Variants in DPP10 observed in about 807,000 individuals in gnomAD.
DPP10 encodes the protein inactive dipeptidyl peptidase 10.
Under a neutral mutation model 120.9 loss-of-function variants are expected in DPP10, and 33 were observed. The observed-to-expected ratio is 0.27, with a 90% CI of 0.21 to 0.37. The LOEUF (loss-of-function observed/expected upper bound fraction) is 0.37. Ranked by LOEUF, DPP10 falls within the 10% of genes least tolerant of loss-of-function variation. DPP10 has a pLI of 1.00. For missense variants in DPP10, 816 were observed against 942.8 expected (o/e 0.87, Z 1.76); for synonymous variants, 337 against 326.1 (o/e 1.03, Z -0.36).
At chr2:114,779,795 T>C (rs1682122842) in intron 1 of DPP10, among the ~76,000 whole-genome samples, 1 of 152,156 alleles carries the variant, frequency 6.6e-6, no homozygotes, top group Non-Finnish European at 1.5e-5. Context: ...TCTGTGATCA[T>C]GTTTATCAAA....
chr2:114,502,348 A>G (rs993806289), intron 1 of DPP10, among the ~76,000 whole-genome samples: 6 of 152,188 alleles, frequency 3.9e-5, no homozygotes, highest in African/African-American at 2.4e-5. Context: ...AGCATTTTTC[A>G]AACATTTAAA....
chr2:115,298,172 A>T (rs2105961466), intron 1 of DPP10, among the ~76,000 whole-genome samples: 1 of 152,210 alleles, frequency 6.6e-6, no homozygotes, highest in Admixed American at 6.6e-5. Context: ...AGTGTGAAAT[A>T]GTCTCTGACC....
intron 1 of DPP10, among the ~76,000 whole-genome samples, chr2:115,039,298 G>C (rs1704458906): frequency 1.3e-5 from 2 of 152,200 alleles, no homozygotes; most frequent in South Asian, 4.1e-4. Flanking sequence ...GGTGATACAA[G>C]TCTATTGAAT....
intron 1 of DPP10, among the ~76,000 whole-genome samples, chr2:114,987,917 C>T (rs1002588461): frequency 1.3e-5 from 2 of 151,138 alleles, no homozygotes; most frequent in African/African-American, 2.4e-5. Flanking sequence ...CATTCTCCTG[C>T]CTCAGTCTCC....
chr2:115,075,663 A>G (rs1229391168), intron 1 of DPP10, among the ~76,000 whole-genome samples: 1 of 151,820 alleles, frequency 6.6e-6, no homozygotes, highest in Non-Finnish European at 1.5e-5. Context: ...TTATTAGCTC[A>G]GCCCATTTTA....
intron 1 of DPP10, among the ~76,000 whole-genome samples, chr2:114,561,996 G>A (rs1573658866): frequency 6.6e-6 from 1 of 152,152 alleles, no homozygotes; most frequent in African/African-American, 2.4e-5. Context: ...CTAAGATAAC[G>A]GGTTAATTTT....
At chr2:114,838,337 A>T (rs1357393980) in intron 1 of DPP10, among the ~76,000 whole-genome samples, 1 of 151,986 alleles carries the variant, frequency 6.6e-6, no homozygotes, top group Admixed American at 6.6e-5. Context: ...TTATTTTTTG[A>T]GATAGAGTCT....
chr2:115,073,530 A>T (rs1707543352), intron 1 of DPP10, among the ~76,000 whole-genome samples: 1 of 152,208 alleles, frequency 6.6e-6, no homozygotes, highest in Non-Finnish European at 1.5e-5. Flanking sequence ...ATCTGAAATC[A>T]ACTGTTCAGT....
intron 5 of DPP10, among the ~76,000 whole-genome samples, chr2:115,572,161 A>G (rs1009849182): frequency 2.0e-5 from 3 of 152,178 alleles, no homozygotes; most frequent in Non-Finnish European, 4.4e-5. Context: ...CTTAACAATA[A>G]ATGCATTTTT....
chr2:115,714,628 T>G (rs2092429289), intron 7 of DPP10, among the ~76,000 whole-genome samples: 1 of 152,240 alleles, frequency 6.6e-6, no homozygotes, highest in South Asian at 2.1e-4. Flanking sequence ...AACATTTGCC[T>G]TTCTTTCCTT....
At chr2:115,724,638 T>C (rs2092723816) in intron 7 of DPP10, among the ~76,000 whole-genome samples, 1 of 152,180 alleles carries the variant, frequency 6.6e-6, no homozygotes, top group South Asian at 2.1e-4. Flanking sequence ...AGTTAGCTGG[T>C]AAAATAGCTT....
chr2:115,516,572 TTG>T (rs2077514524), intron 4 of DPP10, among the ~76,000 whole-genome samples: 1 of 49,030 alleles, frequency 2.0e-5, no homozygotes, highest in African/African-American at 6.0e-5. Flanking sequence ...TTGTTATTCT[TTG>T]TTTTTTTTTT....
At chr2:114,950,626 G>A (rs568497914) in intron 1 of DPP10, among the ~76,000 whole-genome samples, 7 of 151,610 alleles carry the variant, frequency 4.6e-5, no homozygotes, top group South Asian at 4.2e-4. Flanking sequence ...GTACAACTTA[G>A]AACACCTTTG....
intron 1 of DPP10, among the ~76,000 whole-genome samples, chr2:115,191,356 T>C (rs549414705): frequency 4.6e-5 from 7 of 152,318 alleles, no homozygotes; most frequent in African/African-American, 1.4e-4. Context: ...TCAAACTAAC[T>C]TGTCCCAGTT....
At chr2:114,531,476 T>C (rs905999348) in intron 1 of DPP10, among the ~76,000 whole-genome samples, 2 of 150,276 alleles carry the variant, frequency 1.3e-5, no homozygotes, top group African/African-American at 4.9e-5. Flanking sequence ...TTTATATATA[T>C]ATGTATATAT....
intron 3 of DPP10, among the ~76,000 whole-genome samples, chr2:115,464,186 G>A (rs529580677): frequency 6.6e-6 from 1 of 152,212 alleles, no homozygotes; most frequent in African/African-American, 2.4e-5. Context: ...ATTAGTGAAG[G>A]GTGATGTGAT....
chr2:115,472,154 T>A (rs763046396), intron 3 of DPP10, among the ~76,000 whole-genome samples: 2 of 152,188 alleles, frequency 1.3e-5, no homozygotes, highest in Non-Finnish European at 2.9e-5. Flanking sequence ...AATAACCCTT[T>A]ATGTGTTTTA....
In DPP10 at chr2:115,841,193, T is replaced by A. The variant is rs533598861; in HGVS notation, c.2256+370T>A. The stretch of plus-strand genomic sequence containing the variant: ...TGTCTTGTTCCTTTGTCTTTATTAT[T>A]AAATATGAGAGTTTATTATTAATTT... On this transcript the variant is annotated intron_variant, in intron 25 of 25. Coordinates refer to ENST00000410059, the MANE Select transcript of DPP10 (RefSeq NM_020868.6). Among the ~76,000 whole-genome samples, 52 of 151,962 alleles carry A rather than the reference T, an allele frequency of 3.4e-4. 1 individual carries two copies. In the East Asian group the frequency reaches 8.3e-3, roughly 24 times the overall value.
chr2:114,532,221 C>A (rs1343869531), intron 1 of DPP10, among the ~76,000 whole-genome samples: 3 of 143,470 alleles, frequency 2.1e-5, no homozygotes, highest in Non-Finnish European at 4.5e-5. Context: ...CTTGGCCTCC[C>A]ATAACTGCAC....
Sources: allele counts gnomAD v4.1 joint callset (sites outside exome capture counted in the v4.1 genomes callset), GRCh38; gene constraint gnomAD v4.1.1; transcripts MANE v1.5; gene names NCBI Gene and HGNC (gene_info 2026-07-23, HGNC 2026-07-21).